KYNU: variants seen among roughly 807,000 people sequenced by gnomAD.
KYNU encodes L-kynurenine hydrolase.
A neutral mutation model predicts 59.2 loss-of-function variants in KYNU; 54 were observed. That is an observed-to-expected ratio of 0.91 (90% CI 0.73 to 1.14). The LOEUF (loss-of-function observed/expected upper bound fraction) is 1.14. KYNU is among the 50% of genes most tolerant of loss of function. KYNU has a pLI of 0.00. For synonymous variants in KYNU, 177 were observed against 192.0 expected (o/e 0.92, Z 0.65); for missense variants, 567 against 554.4 (o/e 1.02, Z -0.23).
At chr2:142,977,425 A>G (rs945577217) in intron 8 of KYNU, among the ~76,000 whole-genome samples, 4 of 147,138 alleles carry the variant, frequency 2.7e-5, no homozygotes, top group South Asian at 4.3e-4. Context: ...TATATTAACT[A>G]TAAGAGCCAT....
chr2:143,038,878 T>C (rs1227128901), intron 12 of KYNU, among the ~76,000 whole-genome samples: 1 of 152,190 alleles, frequency 6.6e-6, no homozygotes, highest in East Asian at 1.9e-4. Flanking sequence ...ACCCTATCTT[T>C]GCTCTTGATA....
In KYNU at chr2:142,927,746, G is replaced by A. The variant is rs1558925979; in HGVS notation, c.373+5G>A. 6.3e-7 allele frequency: 1 copy of A among 1,590,088 alleles called. No homozygotes were observed. Among genetic ancestry groups the A allele is most frequent in the Non-Finnish European group, 8.6e-7 (1 of 1,158,342 alleles). On this transcript the variant is annotated splice_donor_5th_base_variant and intron_variant, in intron 4 of 13. Coordinates refer to ENST00000264170, the MANE Select transcript of KYNU (RefSeq NM_003937.3). ...GCCTTATGAAGGACATTGTAGGTAA[G>A]TACAAAACACTGAAGTTTTTCCAAA...
chr2:143,012,302 C>T (rs1573899477), intron 10 of KYNU, among the ~76,000 whole-genome samples: 1 of 151,796 alleles, frequency 6.6e-6, no homozygotes, highest in East Asian at 1.9e-4. Flanking sequence ...GCCAGTATGA[C>T]ATAGCTCCAT....
At chr2:142,952,376 C>T (rs1190591074) in intron 4 of KYNU, among the ~76,000 whole-genome samples, 8 of 152,048 alleles carry the variant, frequency 5.3e-5, no homozygotes, top group Admixed American at 5.2e-4. Context: ...CATGCCCAGC[C>T]TATATCCAAA....
chr2:142,917,537 A>T (rs1313457116), intron 2 of KYNU, among the ~76,000 whole-genome samples: 2 of 152,140 alleles, frequency 1.3e-5, no homozygotes, highest in Non-Finnish European at 1.5e-5. Flanking sequence ...CCTGGGCTCA[A>T]GTGATCCTCC....
chr2:142,953,766 C>G (rs906498027), intron 4 of KYNU, among the ~76,000 whole-genome samples: 1 of 152,166 alleles, frequency 6.6e-6, no homozygotes, highest in Non-Finnish European at 1.5e-5. Flanking sequence ...GCAAATGCAA[C>G]AAGAAGTTTT....
rs114788481 is a variant in KYNU at position 142,941,998 on chromosome 2, G to A, written c.374-12812G>A. 8.0e-3 allele frequency among the ~76,000 whole-genome samples: 1,215 copies of A among 151,834 alleles called. 14 individuals carry two copies. The highest frequency in any genetic ancestry group is 0.028 in the African/African-American group (1,166 of 41,390). On this transcript the variant is annotated intron_variant, in intron 4 of 13. Coordinates refer to ENST00000264170, the MANE Select transcript of KYNU (RefSeq NM_003937.3). Reference sequence around the variant, plus strand: ...AGTCTGGGCAACATGGTGAAACTCCGCCTCTGCAAGAAATACAGATATACA... The same window carrying A: ...AGTCTGGGCAACATGGTGAAACTCCACCTCTGCAAGAAATACAGATATACA...
At chr2:142,975,138 ACCACC>A (rs1684846951) in intron 8 of KYNU, among the ~76,000 whole-genome samples, 1 of 151,940 alleles carries the variant, frequency 6.6e-6, no homozygotes, top group South Asian at 2.1e-4. Context: ...TTTTTCCAAA[ACCACC>A]CTGGCTCACC....
chr2:143,015,418 C>A (rs776517977), intron 10 of KYNU, among the ~76,000 whole-genome samples: 4 of 151,916 alleles, frequency 2.6e-5, no homozygotes, highest in Non-Finnish European at 4.4e-5. Context: ...AATTCTCAGG[C>A]GCCAAGTAGA....
At chr2:142,985,799 G>A (rs933085636) in intron 9 of KYNU, 149 bp from the exon 10 acceptor site, 1 of 589,862 alleles carries the variant, frequency 1.7e-6, no homozygotes, top group African/African-American at 1.9e-5. Context: ...GGTGACCTAA[G>A]CTTCTGTTTT....
At chr2:142,940,510 C>T (rs900981682) in intron 4 of KYNU, among the ~76,000 whole-genome samples, 2 of 152,148 alleles carry the variant, frequency 1.3e-5, no homozygotes, top group African/African-American at 4.8e-5. Flanking sequence ...CTTGTTGACA[C>T]ATAAATACAT....
At chr2:143,029,810 A>G (rs1463277185) in intron 11 of KYNU, 131 bp downstream of exon 11, 4 of 663,688 alleles carry the variant, frequency 6.0e-6, no homozygotes, top group Non-Finnish European at 1.1e-5. Context: ...AGAATTCTCA[A>G]ATAAGAAATG....
rs1302478023 is a variant in KYNU at position 142,908,505 on chromosome 2, A to ATTT, written c.170-10104_170-10103insTTT. 1.7e-4 allele frequency among the ~76,000 whole-genome samples: 26 copies of ATTT among 150,148 alleles called. 1 individual carries two copies. Among genetic ancestry groups the ATTT allele is most frequent in the South Asian group, 6.4e-4 (3 of 4,656 alleles). On this transcript the variant is annotated intron_variant, in intron 2 of 13. Coordinates refer to ENST00000264170, the MANE Select transcript of KYNU (RefSeq NM_003937.3). ...GGAACTGGTTGTGGGATTTTTTTTAAAAAAAATATGCCTATATTAGAGTCC... is the reference window on the plus strand; with the variant it reads ...GGAACTGGTTGTGGGATTTTTTTTAATTTAAAAAATATGCCTATATTAGAGTCC...
At chr2:142,921,057 C>G (rs1682864485) in intron 3 of KYNU, among the ~76,000 whole-genome samples, 1 of 152,158 alleles carries the variant, frequency 6.6e-6, no homozygotes, top group African/African-American at 2.4e-5. Context: ...TAATTGACAA[C>G]AGACAGGTTA....
rs1054597219 is a variant in KYNU at position 143,055,451 on chromosome 2, C to G, written c.*13279C>G. On this transcript the variant is annotated 3_prime_UTR_variant, in exon 14 of 14. Coordinates refer to ENST00000264170, the MANE Select transcript of KYNU (RefSeq NM_003937.3). ...TTCTTCTGTCTTCCACTTTTAAGAG[C>G]CTTTTTGAGTCTATTGAGGCCAACT... 1 of 152,170 alleles carries G rather than the reference C, an allele frequency of 6.6e-6. No homozygotes were observed. The highest frequency in any genetic ancestry group is 2.4e-5 in the African/African-American group (1 of 41,432). The allele number at this position is 152,170 out of a possible 1,614,324, so 9.4% of individuals were successfully genotyped here. A position where few individuals can be genotyped will look rare whatever the true frequency, so the allele number is the denominator to read the frequency against.
At chr2:142,960,463 G>T (rs998299752) in intron 7 of KYNU, among the ~76,000 whole-genome samples, 161 bp from the exon 8 acceptor site, 1 of 151,856 alleles carries the variant, frequency 6.6e-6, no homozygotes, top group Non-Finnish European at 1.5e-5. Context: ...TAAAAATTAT[G>T]CTCAAATGCT....
chr2:142,882,800 G>A (rs1558898404), intron 1 of KYNU, among the ~76,000 whole-genome samples: 1 of 152,194 alleles, frequency 6.6e-6, no homozygotes, highest in Non-Finnish European at 1.5e-5. Flanking sequence ...ACATGTGCAT[G>A]TGTCTTTATA....
At chr2:142,981,851 C>T (rs137938750) in intron 8 of KYNU, among the ~76,000 whole-genome samples, 2 of 152,066 alleles carry the variant, frequency 1.3e-5, no homozygotes, top group South Asian at 2.1e-4. Flanking sequence ...CACATCTTTC[C>T]GTAAAGAACC....
intron 8 of KYNU, among the ~76,000 whole-genome samples, chr2:142,964,977 C>T (rs1251943145): frequency 6.6e-6 from 1 of 152,118 alleles, no homozygotes; most frequent in Non-Finnish European, 1.5e-5. Context: ...CTATATTTTT[C>T]ATATTCTGTT....
Sources: allele counts gnomAD v4.1 joint callset (sites outside exome capture counted in the v4.1 genomes callset), GRCh38; gene constraint gnomAD v4.1.1; transcripts MANE v1.5; gene names NCBI Gene and HGNC (gene_info 2026-07-23, HGNC 2026-07-21).